Variants in ACACA observed in about 807,000 individuals in gnomAD.
The protein encoded by ACACA is acetyl-CoA carboxylase 1.
In ACACA, 103 loss-of-function variants were observed where a neutral mutation model predicts 296.1. The observed-to-expected ratio is 0.35, with a 90% CI of 0.30 to 0.41. The LOEUF (loss-of-function observed/expected upper bound fraction) is 0.41. Ranked by LOEUF, ACACA falls within the 10% of genes least tolerant of loss-of-function variation. The pLI is 1.00. For synonymous variants in ACACA, 953 were observed against 1,038.6 expected (o/e 0.92, Z 1.58); for missense variants, 1,554 against 2,989.7 (o/e 0.52, Z 11.20).
At chr17:37,120,173 G>A (rs1032167053) in intron 50 of ACACA, among the ~76,000 whole-genome samples, 12 of 151,852 alleles carry the variant, frequency 7.9e-5, no homozygotes, top group Non-Finnish European at 1.0e-4. Context: ...GATTACAGGC[G>A]TGAGCCACCG....
At chr17:37,206,240 G>A (rs2078495216) in intron 32 of ACACA, among the ~76,000 whole-genome samples, 1 of 152,022 alleles carries the variant, frequency 6.6e-6, no homozygotes, top group South Asian at 2.1e-4. Context: ...AAGCCATCTG[G>A]ACATGTTCCC....
intron 41 of ACACA, among the ~76,000 whole-genome samples, chr17:37,176,309 G>A (rs2077113194): frequency 6.6e-6 from 1 of 152,226 alleles, no homozygotes; most frequent in African/African-American, 2.4e-5. Flanking sequence ...TGACCTGGTA[G>A]AGCCGTCACT....
chr17:37,136,630 T>C (rs7215615), intron 45 of ACACA, among the ~76,000 whole-genome samples: 35,595 of 151,766 alleles, frequency 0.23, 5,009 homozygotes, highest in African/African-American at 0.36. Flanking sequence ...CAACACTTGG[T>C]ATTTGTCAAA....
intron 5 of ACACA, among the ~76,000 whole-genome samples, chr17:37,281,001 C>G (rs957963111): frequency 6.6e-6 from 1 of 151,786 alleles, no homozygotes; most frequent in Non-Finnish European, 1.5e-5. Flanking sequence ...AATTGCTTCA[C>G]TAACTCTTAC....
intron 3 of ACACA, among the ~76,000 whole-genome samples, chr17:37,318,771 T>C (rs944325870): frequency 2.0e-5 from 3 of 152,158 alleles, no homozygotes; most frequent in Admixed American, 1.3e-4. Context: ...AAAAGTTTCA[T>C]AGCTATTACT....
At chr17:37,164,370 G>A (rs552554864) in intron 41 of ACACA, among the ~76,000 whole-genome samples, 20 of 152,266 alleles carry the variant, frequency 1.3e-4, no homozygotes, top group African/African-American at 4.6e-4. Context: ...CAGGCTGGTT[G>A]AAGCATTCTA....
intron 9 of ACACA, among the ~76,000 whole-genome samples, chr17:37,271,846 C>T (rs1300520170): frequency 6.6e-6 from 1 of 151,846 alleles, no homozygotes; most frequent in Non-Finnish European, 1.5e-5. Flanking sequence ...GTACTGCATG[C>T]CTATAATCCC....
chr17:37,087,436 C>G lies in ACACA; in HGVS notation c.7032G>C (p.Leu2344Phe). 6.2e-7 allele frequency: 1 copy of G among 1,614,054 alleles called. No homozygotes were observed. The highest frequency in any genetic ancestry group is 8.5e-7 in the Non-Finnish European group (1 of 1,180,004). The change falls in exon 56 of 56, where the codon TTG becomes TTC. Residue 2344 changes from leucine to phenylalanine, a missense_variant. By Grantham distance (22) the Leu-to-Phe change is conservative (BLOSUM62 0). Coordinates refer to ENST00000616317, the MANE Select transcript of ACACA (RefSeq NM_198834.3). ...RDYVLKQIRSLVQANPEVAMD... is the reference protein window; with the variant it reads ...RDYVLKQIRSFVQANPEVAMD... ...TGGCAACCTCTGGATTGGCCTGGAC[C>G]AAGCTGGAAAGGAAGATTGAGAATG...
chr17:37,234,934 A>T (rs1310468740), intron 25 of ACACA, 41 bp downstream of exon 25: 2 of 1,611,868 alleles, frequency 1.2e-6, no homozygotes, highest in East Asian at 4.5e-5. Context: ...CTTTTTGCAT[A>T]TCATTGACGG....
chr17:37,107,280 C>T (rs2073743413), intron 52 of ACACA, among the ~76,000 whole-genome samples: 1 of 152,224 alleles, frequency 6.6e-6, no homozygotes, highest in African/African-American at 2.4e-5. Context: ...CTCTTTTCAG[C>T]TTTCAGCCTC....
intron 45 of ACACA, among the ~76,000 whole-genome samples, chr17:37,130,485 T>C (rs892746296): frequency 6.6e-6 from 1 of 152,084 alleles, no homozygotes; most frequent in African/African-American, 2.4e-5. Flanking sequence ...GACGAGTTAA[T>C]GGGTGCAGCA....
At chr17:37,251,924 G>A in intron 16 of ACACA, 81 bp downstream of exon 16, 1 of 1,296,328 alleles carries the variant, frequency 7.7e-7, no homozygotes, top group South Asian at 1.2e-5. Context: ...ATGGACAGAA[G>A]AATAAATGGG....
Position 37,247,657 on chromosome 17 carries a change from G to A in ACACA, c.2309+354C>T, listed in dbSNP as rs146759497. Reference sequence around the variant, plus strand: ...GCTGGGATTACAGGCGTGAGCCACCGCGCCCAGCCACATTTGTGAATGTAT... The same window carrying A: ...GCTGGGATTACAGGCGTGAGCCACCACGCCCAGCCACATTTGTGAATGTAT... On this transcript the variant is annotated intron_variant, in intron 18 of 55. Coordinates refer to ENST00000616317, the MANE Select transcript of ACACA (RefSeq NM_198834.3). 2.5e-3 allele frequency among the ~76,000 whole-genome samples: 383 copies of A among 152,206 alleles called. 2 individuals are homozygous for A. Among genetic ancestry groups the A allele is most frequent in the African/African-American group, 8.6e-3 (358 of 41,490 alleles).
intron 33 of ACACA, 132 bp from the exon 34 acceptor site, chr17:37,200,615 C>T: frequency 1.2e-6 from 1 of 804,892 alleles, no homozygotes; most frequent in East Asian, 2.7e-5. Context: ...TAGCTTAGTA[C>T]CTTCAAACTT....
intron 2 of ACACA, 124 bp downstream of exon 2, chr17:37,339,680 C>A: frequency 1.5e-6 from 1 of 680,298 alleles, no homozygotes; most frequent in Non-Finnish European, 2.6e-6. Context: ...GGTTATCCAC[C>A]CTAAATCTGC....
At chr17:37,386,051 C>T in intron 1 of ACACA, 2 of 1,605,990 alleles carry the variant, frequency 1.2e-6, no homozygotes, top group Non-Finnish European at 1.7e-6. Flanking sequence ...CTGGGGGCTT[C>T]ATCAGAGACT....
At chr17:37,217,609 C>A (rs953442572) in intron 29 of ACACA, among the ~76,000 whole-genome samples, 4 of 151,704 alleles carry the variant, frequency 2.6e-5, no homozygotes, top group African/African-American at 9.7e-5. Context: ...ATGGCAGGCA[C>A]CTGTAGTCCC....
At chr17:37,239,312 A>G (rs1441847466) in intron 24 of ACACA, among the ~76,000 whole-genome samples, 2 of 152,174 alleles carry the variant, frequency 1.3e-5, no homozygotes, top group African/African-American at 2.4e-5. Context: ...ATATTTAATA[A>G]TGGCAGATAT....
intron 1 of ACACA, among the ~76,000 whole-genome samples, chr17:37,359,357 A>T (rs1413947415): frequency 6.6e-6 from 1 of 151,896 alleles, no homozygotes; most frequent in Non-Finnish European, 1.5e-5. Context: ...ATGTGAGGCG[A>T]TGCCGATGGT....
Sources: allele counts gnomAD v4.1 joint callset (sites outside exome capture counted in the v4.1 genomes callset), GRCh38; gene constraint gnomAD v4.1.1; transcripts MANE v1.5; gene names NCBI Gene and HGNC (gene_info 2026-07-23, HGNC 2026-07-21).